Variants in NEBL observed in about 807,000 individuals in gnomAD.
NEBL encodes the protein LIM and SH3 protein 2.
Under a neutral mutation model 140.2 loss-of-function variants are expected in NEBL, and 122 were observed. That is an observed-to-expected ratio of 0.87 (90% CI 0.75 to 1.01). The LOEUF (loss-of-function observed/expected upper bound fraction) is 1.01, where lower values mean the gene tolerates loss of function less well. NEBL is among the 50% of genes least tolerant of loss of function. The pLI is 0.00. For synonymous variants in NEBL, 436 were observed against 398.9 expected, an observed-to-expected ratio of 1.09 and a Z score of -1.11; for missense variants, 1,365 against 1,231.3, an observed-to-expected ratio of 1.11 and a Z score of -1.62.
chr10:20,873,016 C>A (rs2131265895), intron 5 of NEBL, among the ~76,000 whole-genome samples: 1 of 152,286 alleles, frequency 6.6e-6, no homozygotes, highest in East Asian at 1.9e-4. Context: ...ACCCTGAATT[C>A]TTTCTTGTGT....
intron 2 of NEBL, chr10:21,146,643 G>A: frequency 6.4e-6 from 4 of 628,520 alleles, no homozygotes; most frequent in East Asian, 2.7e-5. Flanking sequence ...TAGATTTGTT[G>A]ACTGATTATG....
At chr10:20,819,607 T>G in intron 19 of NEBL, 91 bp from the exon 20 acceptor site, 1 of 1,425,700 alleles carries the variant, frequency 7.0e-7, no homozygotes, top group Non-Finnish European at 9.9e-7. Context: ...GTCACATGGC[T>G]ACAGAACATT....
intron 2 of NEBL, among the ~76,000 whole-genome samples, chr10:21,170,036 A>G (rs1589308580): frequency 6.6e-6 from 1 of 152,134 alleles, no homozygotes; most frequent in Admixed American, 6.5e-5. Flanking sequence ...GCTCTTCCCA[A>G]CTCATCCAGA....
intron 17 of NEBL, among the ~76,000 whole-genome samples, chr10:20,827,581 GAAGTC>G (rs1225277611): frequency 6.6e-6 from 1 of 152,192 alleles, no homozygotes; most frequent in African/African-American, 2.4e-5. Context: ...TTTTAGAACA[GAAGTC>G]AAGTTTATAC....
chr10:21,182,277 G>C (rs1564538446), intron 3 of NEBL, among the ~76,000 whole-genome samples: 1 of 151,782 alleles, frequency 6.6e-6, no homozygotes, highest in Non-Finnish European at 1.5e-5. Flanking sequence ...TTTGAGACCA[G>C]CCTGGGCAAC....
chr10:21,281,816 TC>T, intron 1 of NEBL, among the ~76,000 whole-genome samples: 1 of 152,128 alleles, frequency 6.6e-6, no homozygotes, highest in East Asian at 1.9e-4. Context: ...TCCTCTGTCC[TC>T]CCCCTTCTCA....
chr10:20,789,972 C>T (rs142560415), intron 26 of NEBL, among the ~76,000 whole-genome samples: 1 of 150,538 alleles, frequency 6.6e-6, no homozygotes, highest in South Asian at 2.1e-4. Context: ...TATATATACA[C>T]ACACACACAT....
intron 2 of NEBL, chr10:21,170,632 A>C (rs1246076622): frequency 6.6e-6 from 1 of 152,612 alleles, no homozygotes; most frequent in Non-Finnish European, 1.5e-5. Context: ...AGTTTGGGGA[A>C]TATCTGTGGA....
intron 3 of NEBL, among the ~76,000 whole-genome samples, chr10:21,007,496 T>G (rs1181228104): frequency 6.6e-6 from 1 of 152,244 alleles, no homozygotes; most frequent in Non-Finnish European, 1.5e-5. Context: ...TCTTCATTCT[T>G]ATAAGACTCT....
chr10:21,192,769 C>G (rs1238407533), intron 3 of NEBL, among the ~76,000 whole-genome samples: 1 of 150,594 alleles, frequency 6.6e-6, no homozygotes, highest in Non-Finnish European at 1.5e-5. Flanking sequence ...TGCTTGAACC[C>G]AGGAGGCAGA....
intron 2 of NEBL, chr10:21,029,752 T>G: frequency 1.3e-6 from 1 of 796,482 alleles, no homozygotes; most frequent in South Asian, 1.4e-5. Context: ...TATGGATCGA[T>G]ATGGCTGGCG....
intron 2 of NEBL, among the ~76,000 whole-genome samples, chr10:21,096,123 A>G (rs1837174609): frequency 6.6e-6 from 1 of 152,216 alleles, no homozygotes. Context: ...TAATATGTCA[A>G]AATAATCCTG....
intron 2 of NEBL, chr10:21,110,726 G>A: frequency 2.0e-6 from 1 of 501,916 alleles, no homozygotes; most frequent in Non-Finnish European, 4.0e-6. Context: ...TGAGGCCCCA[G>A]AACCAACAAA....
At chr10:20,937,918 G>C (rs1012047227) in intron 4 of NEBL, among the ~76,000 whole-genome samples, 2 of 152,212 alleles carry the variant, frequency 1.3e-5, no homozygotes, top group Admixed American at 6.5e-5. Flanking sequence ...GCCCAGGCTT[G>C]AGTAGGTAAA....
At chr10:20,997,223 T>G (rs894991547) in intron 3 of NEBL, among the ~76,000 whole-genome samples, 4 of 152,108 alleles carry the variant, frequency 2.6e-5, no homozygotes, top group Middle Eastern at 6.8e-3. Context: ...ATTTAAACAT[T>G]TACAATGGTG....
At chr10:20,900,907 T>C (rs1393636898), upstream of NEBL, among the ~76,000 whole-genome samples, 1 of 147,534 alleles carries the variant, frequency 6.8e-6, no homozygotes, top group Admixed American at 6.8e-5. Flanking sequence ...TAATCTCAGC[T>C]ACTCAGGAGG....
chr10:20,798,041 G>A (rs1163378921), intron 26 of NEBL, among the ~76,000 whole-genome samples: 1 of 151,526 alleles, frequency 6.6e-6, no homozygotes, highest in Non-Finnish European at 1.5e-5. Flanking sequence ...AGTTAGAGGT[G>A]CAGTGAGCTA....
chr10:20,816,641 C>A (rs902753074), intron 21 of NEBL, among the ~76,000 whole-genome samples: 5 of 152,166 alleles, frequency 3.3e-5, no homozygotes, highest in Non-Finnish European at 1.5e-5. Flanking sequence ...TAAAAGATTT[C>A]TTTGAACGTA....
intron 4 of NEBL, among the ~76,000 whole-genome samples, chr10:20,952,916 AAAAAAAAAAG>A (rs1390522533): frequency 1.3e-5 from 2 of 150,756 alleles, no homozygotes; most frequent in African/African-American, 4.9e-5. Context: ...AAAAAAAAAA[AAAAAAAAAAG>A]AAAAAGAAAA....
Sources: allele counts gnomAD v4.1 joint callset (sites outside exome capture counted in the v4.1 genomes callset), GRCh38; gene constraint gnomAD v4.1.1; transcripts MANE v1.5; gene names NCBI Gene and HGNC (gene_info 2026-07-23, HGNC 2026-07-21).